The following TUSC3 variants were observed in gnomAD, a reference collection of about 807,000 sequenced individuals.
TUSC3 encodes the protein tumor suppressor candidate 3.
A neutral mutation model predicts 44.8 loss-of-function variants in TUSC3; 45 were observed. That is an observed-to-expected ratio of 1.00 (90% CI 0.79 to 1.29). TUSC3 has a LOEUF of 1.29. TUSC3 is among the 50% of genes most tolerant of loss of function. The pLI, the probability that TUSC3 is intolerant of heterozygous loss-of-function variation, is 0.00. For missense variants in TUSC3, 519 were observed against 437.9 expected, an observed-to-expected ratio of 1.19 and a Z score of -1.65; for synonymous variants, 212 against 152.9, an observed-to-expected ratio of 1.39 and a Z score of -2.85.
chr8:15,527,324 C>A (rs563515906), intron 2 of TUSC3, among the ~76,000 whole-genome samples: 1 of 152,250 alleles, frequency 6.6e-6, no homozygotes, highest in East Asian at 1.9e-4. Flanking sequence ...TTAAGTGATT[C>A]TTCTTCCTCC....
At chr8:15,444,059 T>G (rs2129118877) in intron 1 of TUSC3, among the ~76,000 whole-genome samples, 1 of 152,280 alleles carries the variant, frequency 6.6e-6, no homozygotes, top group Middle Eastern at 3.4e-3. Context: ...ACAGAACCAG[T>G]TCTGTATGAA....
the TUSC3 span, among the ~76,000 whole-genome samples, chr8:15,820,287 A>C: frequency 6.7e-6 from 1 of 149,872 alleles, no homozygotes; most frequent in Non-Finnish European, 1.5e-5. Flanking sequence ...CTGTATATTC[A>C]TGAAAGATAT....
intron 4 of TUSC3, among the ~76,000 whole-genome samples, chr8:15,660,265 C>T (rs1470521536): frequency 6.6e-6 from 1 of 151,880 alleles, no homozygotes; most frequent in African/African-American, 2.4e-5. Context: ...AGTAAATATA[C>T]TATGGCATAG....
chr8:15,719,517 C>G (rs1484732492), intron 6 of TUSC3, among the ~76,000 whole-genome samples: 1 of 5,746 alleles, frequency 1.7e-4, no homozygotes, highest in Non-Finnish European at 4.9e-4. Flanking sequence ...ACACACACAC[C>G]ACACACACAC....
chr8:15,668,025 G>A (rs1015018485), intron 5 of TUSC3, among the ~76,000 whole-genome samples: 3 of 151,010 alleles, frequency 2.0e-5, no homozygotes, highest in African/African-American at 7.3e-5. Flanking sequence ...AAGATAACAT[G>A]TGGTTATGTT....
intron 2 of TUSC3, among the ~76,000 whole-genome samples, chr8:15,640,501 G>C (rs1563148820): frequency 6.6e-6 from 1 of 152,102 alleles, no homozygotes; most frequent in Non-Finnish European, 1.5e-5. Context: ...ATTCTGAAAT[G>C]TTTTCTCCTG....
chr8:15,706,988 C>T lies in TUSC3; in HGVS notation c.799-23678C>T, dbSNP rs868557003. 3.9e-5 allele frequency among the ~76,000 whole-genome samples: 6 copies of T among 151,934 alleles called. No individual in the cohort carries two copies. The South Asian group carries it at 8.3e-4, about 21-fold the overall frequency. On this transcript the variant is annotated intron_variant, in intron 6 of 10. Transcript: ENST00000503731. The stretch of plus-strand genomic sequence containing the variant: ...TTGATCATTGAATCATATTATAAGT[C>T]ATCATTTGTTGCTATAAAAGTATAC...
intron 9 of TUSC3, chr8:15,748,951 C>G (rs1340157692): frequency 1.7e-5 from 6 of 350,898 alleles, no homozygotes; most frequent in Non-Finnish European, 2.7e-5. Flanking sequence ...ACGAGTATCT[C>G]ATAAGATTTT....
chr8:15,701,285 T>A (rs1374750524), intron 6 of TUSC3, among the ~76,000 whole-genome samples: 1 of 152,116 alleles, frequency 6.6e-6, no homozygotes, highest in Non-Finnish European at 1.5e-5. Flanking sequence ...AGGAAGCCAC[T>A]GTTATGATTT....
At chr8:15,463,479 G>T (rs570273954) in intron 1 of TUSC3, among the ~76,000 whole-genome samples, 1 of 152,206 alleles carries the variant, frequency 6.6e-6, no homozygotes, top group African/African-American at 2.4e-5. Flanking sequence ...AAACTCACCT[G>T]ATTGTGCAGT....
chr8:15,752,232 G>A lies in TUSC3; in HGVS notation c.1028+3767G>A, dbSNP rs187156194. Among the ~76,000 whole-genome samples, 25 of 152,096 alleles carry A rather than the reference G, an allele frequency of 1.6e-4. No homozygotes were observed. In the East Asian group the frequency reaches 3.7e-3, roughly 22 times the overall value. The stretch of plus-strand genomic sequence containing the variant: ...AGACAAAGGAGAGAGGAGGGGCTGA[G>A]GGTATTTCATGAGCCGAAAGTCATA... On this transcript the variant is annotated intron_variant, in intron 9 of 10. Transcript: ENST00000503731.
Position 15,664,561 on chromosome 8 carries a change from T to C in TUSC3, c.708+2265T>C, listed in dbSNP as rs1489548173. Among the ~76,000 whole-genome samples the C allele has an allele frequency of 3.3e-5, 5 of 149,510 alleles. No homozygotes were observed. The East Asian group carries it at 9.8e-4, about 29-fold the overall frequency. On this transcript the variant is annotated intron_variant, in intron 5 of 10. Coordinates refer to ENST00000503731, the MANE Select transcript of TUSC3 (RefSeq NM_006765.4). ...AAATTCTAAGATACCTTGGCAGGTA[T>C]GCCTGCTCCCCAATCACAGCCTTTT... is the stretch of plus-strand genomic sequence containing the variant.
intron 10 of TUSC3, among the ~76,000 whole-genome samples, chr8:15,760,099 G>T (rs1304163780): frequency 6.6e-6 from 1 of 152,196 alleles, no homozygotes; most frequent in East Asian, 1.9e-4. Flanking sequence ...GGTAGTGTCA[G>T]AATTATTTTA....
intron 2 of TUSC3, among the ~76,000 whole-genome samples, chr8:15,486,859 C>G (rs992714840): frequency 6.6e-6 from 1 of 152,096 alleles, no homozygotes; most frequent in Non-Finnish European, 1.5e-5. Flanking sequence ...TCTTTAGGTC[C>G]ATAAATAAGC....
At chr8:15,699,770 A>G (rs1472557534) in intron 6 of TUSC3, among the ~76,000 whole-genome samples, 1 of 152,194 alleles carries the variant, frequency 6.6e-6, no homozygotes, top group Non-Finnish European at 1.5e-5. Context: ...AGCGTTGTAC[A>G]GGAAAAGTCT....
At chr8:15,567,898 G>T (rs908178453) in intron 1 of TUSC3, among the ~76,000 whole-genome samples, 1 of 152,142 alleles carries the variant, frequency 6.6e-6, no homozygotes, top group African/African-American at 2.4e-5. Flanking sequence ...TGGGTTGTTG[G>T]TAATGAAAGA....
At chr8:15,806,727 G>C in the TUSC3 span, 2 of 812,298 alleles carry the variant, frequency 2.5e-6, no homozygotes. Flanking sequence ...GATACAGCCA[G>C]AGAGGCTTTC....
chr8:15,799,708 C>T, the TUSC3 span, among the ~76,000 whole-genome samples: 2 of 152,186 alleles, frequency 1.3e-5, no homozygotes, highest in South Asian at 2.1e-4. Flanking sequence ...TCTAGAAAGG[C>T]ATGACTTTTT....
intron 2 of TUSC3, among the ~76,000 whole-genome samples, chr8:15,501,118 T>A (rs1419946014): frequency 6.6e-6 from 1 of 152,192 alleles, no homozygotes; most frequent in Non-Finnish European, 1.5e-5. Context: ...AGCATCTCCT[T>A]ACATCACTTT....
Sources: allele counts gnomAD v4.1 joint callset (sites outside exome capture counted in the v4.1 genomes callset), GRCh38; gene constraint gnomAD v4.1.1; transcripts MANE v1.5; gene names NCBI Gene and HGNC (gene_info 2026-07-23, HGNC 2026-07-21).